The following ODAD3 variants were observed in gnomAD, a reference collection of about 807,000 sequenced individuals.
ODAD3 encodes the protein outer dynein arm-docking complex subunit 3.
Under a neutral mutation model 70.9 loss-of-function variants are expected in ODAD3, and 57 were observed. The ratio of observed to expected loss-of-function variants is 0.80; its 90% confidence interval spans 0.65 to 1.00. The LOEUF (loss-of-function observed/expected upper bound fraction) is 1.00, where lower values mean the gene tolerates loss of function less well. Ranked by LOEUF, ODAD3 falls within the 50% of genes least tolerant of loss-of-function variation. The probability of loss-of-function intolerance (pLI) is 0.00; values close to 1 mark genes in which losing one functional copy is unlikely to be tolerated. For synonymous variants in ODAD3, 327 were observed against 315.9 expected (o/e 1.04, Z -0.37); for missense variants, 797 against 763.9 (o/e 1.04, Z -0.51).
chr19:11,431,096 T>C (rs749818212), intron 1 of ODAD3, 76 bp from the exon 2 acceptor site: 31 of 1,550,416 alleles, frequency 2.0e-5, no homozygotes. Context: ...AGGAAAGACC[T>C]TTTTTGCAAT....
Position 11,423,835 on chromosome 19 carries a change from TGGG to T in ODAD3, c.1116+39_1116+41del, listed in dbSNP as rs57892201. 2.7e-3 allele frequency: 2,796 copies of T among 1,022,738 alleles called. 54 individuals carry two copies. In the African/African-American group the frequency reaches 0.053, roughly 19 times the overall value. 63.4% of individuals were successfully genotyped at this position (1,022,738 alleles called of 1,614,324 possible). A position where few individuals can be genotyped will look rare whatever the true frequency, so the allele number is the denominator to read the frequency against. ...AGGCACCCCTGGGGCCCGTCTGGGG[TGGG>T]GGGGGGGCGCGGCGGAGAGGGCTGC... On this transcript the variant is annotated intron_variant, in intron 8 of 12. Transcript: ENST00000356392.
rs548544340 is a variant in ODAD3, at chr19:11,424,922, C to T, written c.964-893G>A. On this transcript the variant is annotated intron_variant, in intron 7 of 12. Coordinates refer to ENST00000356392, the MANE Select transcript of ODAD3 (RefSeq NM_145045.5). ...ATATATGTATATATGTGTATATGTA[C>T]CTATGTGTATATATGTATATATGTG... Among the ~76,000 whole-genome samples the T allele has an allele frequency of 2.0e-4, 22 of 112,192 alleles. 1 individual carries two copies. In the East Asian group the frequency reaches 4.0e-3, roughly 20 times the overall value. The allele number at this position is 112,192 out of a possible 152,430, so 73.6% of individuals were successfully genotyped here.
intron 11 of ODAD3, 68 bp from the exon 12 acceptor site, chr19:11,421,280 C>G (rs1420427748): frequency 1.4e-5 from 20 of 1,391,458 alleles, no homozygotes; most frequent in Non-Finnish European, 2.0e-5. Context: ...GTCACGTTCC[C>G]CCTCCTCCCT....
chr19:11,422,560 T>C lies in ODAD3; in HGVS notation c.1345A>G (p.Lys449Glu), dbSNP rs371948361. 46 of 1,591,740 alleles carry C rather than the reference T, an allele frequency of 2.9e-5. No homozygotes were observed. Among genetic ancestry groups the C allele is most frequent in the African/African-American group, 2.8e-4 (21 of 74,704 alleles). The change falls in exon 10 of 13, where the codon AAG becomes GAG. Residue 449 changes from lysine (K) to glutamate (E), a missense_variant. By Grantham distance (56) the Lys-to-Glu change is moderately conservative (BLOSUM62 1). Transcript: ENST00000356392. This position sits in a 1 kb window ranked among gnomAD's most constrained non-coding sequence, Gnocchi z 4.6. The stretch of plus-strand genomic sequence containing the variant: ...CGCAAGGCGCGCTCCAGCTGGTCCT[T>C]GGCCTCGGCGTGCCGCCGCTCCTCC... The part of the protein sequence containing the change: ...KKEERRHAEA[K>E]DQLERALRAM...
At position 11,426,161 on chromosome 19, in the gene ODAD3, C is replaced by T. The variant is rs1289891684; in HGVS notation, c.946G>A (p.Glu316Lys). 3 of 1,611,152 alleles carry T rather than the reference C, an allele frequency of 1.9e-6. No homozygotes were observed. The highest frequency in any genetic ancestry group is 8.5e-7 in the Non-Finnish European group (1 of 1,179,406). The change falls in exon 7 of 13, where the codon GAG becomes AAG. Residue 316 changes from glutamate to lysine, a missense_variant. Transcript: ENST00000356392. ...GCGCCCACCTTGCGCTCCATGCGCTCGTTCTCCAGTTTCTTCTCCTCGGCG... is the reference window on the plus strand; with the variant it reads ...GCGCCCACCTTGCGCTCCATGCGCTTGTTCTCCAGTTTCTTCTCCTCGGCG... ...KRAEEKKLEN[E>K]RMERKTHREH...
chr19:11,424,943 ATG>A (rs1491258636), intron 7 of ODAD3, among the ~76,000 whole-genome samples: 2 of 119,474 alleles, frequency 1.7e-5, no homozygotes, highest in African/African-American at 3.9e-5. Context: ...ATATGTATAT[ATG>A]TGTATATGTA....
intron 8 of ODAD3, 46 bp downstream of exon 8, chr19:11,423,830 TG>T: frequency 8.0e-7 from 1 of 1,250,358 alleles, no homozygotes. Flanking sequence ...GGGGCCCGTC[TG>T]GGGTGGGGGG....
chr19:11,433,198 G>A (rs780285146), intron 1 of ODAD3, among the ~76,000 whole-genome samples: 22 of 152,132 alleles, frequency 1.4e-4, no homozygotes, highest in Non-Finnish European at 2.5e-4. Context: ...ATTATTTGCC[G>A]TGGGGTGCTC....
rs374390309 is a variant in ODAD3 at position 11,434,825 on chromosome 19, C to T, written c.192G>A (p.Lys64=). 11 of 1,614,058 alleles carry T rather than the reference C, an allele frequency of 6.8e-6. No homozygotes were observed. The highest frequency in any genetic ancestry group is 9.3e-6 in the Non-Finnish European group (11 of 1,180,022). ...CAGCCACCTGAGAGTGCACAGAGGG[C>T]TTCCCTGCACCTCTGTGGAAGGATC... is the stretch of plus-strand genomic sequence containing the variant. ...KGGSFHRGAG[K]PSVHSQVAEL... The change falls in exon 1 of 13, where the codon AAG becomes AAA. Residue 64 remains lysine, a synonymous_variant. Coordinates refer to ENST00000356392, the MANE Select transcript of ODAD3 (RefSeq NM_145045.5).
chr19:11,430,207 G>A (rs774999022), intron 3 of ODAD3, among the ~76,000 whole-genome samples: 1 of 151,560 alleles, frequency 6.6e-6, no homozygotes, highest in African/African-American at 2.4e-5. Context: ...GCACAATCTC[G>A]GCTCACTGCA....
At position 11,421,743 on chromosome 19, in the gene ODAD3, C is replaced by T. The variant is rs1969139640; in HGVS notation, c.1524G>A (p.Leu508=). 6.2e-7 allele frequency: 1 copy of T among 1,613,334 alleles called. No homozygotes were observed. The change falls in exon 11 of 13, where the codon CTG becomes CTA. Residue 508 remains leucine (L), a synonymous_variant. Transcript: ENST00000356392. ...NLLGLVEEKL[L]KLQAQLQGHD... ...GGCCCTGGAGCTGCGCCTGCAGTTT[C>T]AGCAGCTTTTCCTCCACGAGGCCCA...
intron 7 of ODAD3, among the ~76,000 whole-genome samples, chr19:11,425,605 G>A (rs1030615579): frequency 6.8e-4 from 87 of 128,498 alleles, no homozygotes; most frequent in African/African-American, 3.4e-3. Context: ...GTATATATGT[G>A]TGTGTATATA....
At chr19:11,429,903 T>A (rs999987062) in intron 3 of ODAD3, among the ~76,000 whole-genome samples, 1 of 151,056 alleles carries the variant, frequency 6.6e-6, no homozygotes, top group African/African-American at 2.4e-5. Flanking sequence ...AGTGGTGCAA[T>A]TGTGGCTCAT....
Position 11,426,767 on chromosome 19 carries a change from C to T in ODAD3, c.630G>A (p.Glu210=), listed in dbSNP as rs1198279365. ...TEVAKTMRNL[E]NRLEKAQMKA... is the part of the protein sequence containing the mutation. ...TCATCTGGGCCTTCTCCAGGCGGTT[C>T]TCCAGGTTCCGCATGGTCTGGAGAG... The change falls in exon 5 of 13, where the codon GAG becomes GAA. Residue 210 remains glutamate, a synonymous_variant. Coordinates refer to ENST00000356392, the MANE Select transcript of ODAD3 (RefSeq NM_145045.5). 1 of 1,613,992 alleles carries T rather than the reference C, an allele frequency of 6.2e-7. No homozygotes were observed. Among genetic ancestry groups the T allele is most frequent in the East Asian group, 2.2e-5 (1 of 44,882 alleles).
intron 11 of ODAD3, 35 bp downstream of exon 11, chr19:11,421,642 G>A (rs772186012): frequency 6.3e-7 from 1 of 1,595,214 alleles, no homozygotes; most frequent in Non-Finnish European, 8.5e-7. Flanking sequence ...CCTACTCCTA[G>A]ATCTCTGGAG....
Position 11,425,249 on chromosome 19 carries a change from A to ATGTATATGTACATATGTGTATATGTG in ODAD3, c.963+869_963+894dup, listed in dbSNP as rs1969293748. On this transcript the variant is annotated intron_variant, in intron 7 of 12. Coordinates refer to ENST00000356392, the MANE Select transcript of ODAD3 (RefSeq NM_145045.5). The stretch of plus-strand genomic sequence containing the variant: ...TGTGTATATGTACATATGTGTATAT[A>ATGTATATGTACATATGTGTATATGTG]TGTATATGTACATATGTGTATATGT... 2.9e-4 allele frequency among the ~76,000 whole-genome samples: 33 copies of ATGTATATGTACATATGTGTATATGTG among 113,314 alleles called. 2 individuals are homozygous for ATGTATATGTACATATGTGTATATGTG. Among genetic ancestry groups the ATGTATATGTACATATGTGTATATGTG allele is most frequent in the South Asian group, 4.8e-4 (2 of 4,158 alleles). 74.3% of individuals were successfully genotyped at this position (113,314 alleles called of 152,430 possible).
At chr19:11,434,582 G>GTACA in intron 1 of ODAD3, 191 bp downstream of exon 1, 1 of 560,796 alleles carries the variant, frequency 1.8e-6, no homozygotes. Flanking sequence ...AAAGTATGAA[G>GTACA]TACAGTTCAG....
At position 11,425,341 on chromosome 19, in the gene ODAD3, A is replaced by G. The variant is rs920461580; in HGVS notation, c.963+803T>C. Among the ~76,000 whole-genome samples the G allele has an allele frequency of 3.0e-4, 38 of 126,796 alleles. 2 individuals carry two copies. Among genetic ancestry groups the G allele is most frequent in the East Asian group, 2.4e-3 (10 of 4,182 alleles). 83.2% of individuals were successfully genotyped at this position (126,796 alleles called of 152,430 possible). On this transcript the variant is annotated intron_variant, in intron 7 of 12. Coordinates refer to ENST00000356392, the MANE Select transcript of ODAD3 (RefSeq NM_145045.5). ...TGTGTATATGTACATATGTGTATAT[A>G]TGTATATATGTGTATATGTACATAT...
Position 11,426,885 on chromosome 19 carries a change from C to A in ODAD3, c.600G>T (p.Thr200=). Residue 200 remains threonine, a synonymous_variant, in exon 4 of 13, where the codon ACG becomes ACT. Coordinates refer to ENST00000356392, the MANE Select transcript of ODAD3 (RefSeq NM_145045.5). ...LEMAEAQNRH[T]EVAKTMRNLE... ...CACCCGCCCCTACCTTGGCCACCTC[C>A]GTGTGTCTGTTTTGCGCCTCCGCCA... 6.2e-7 allele frequency: 1 copy of A among 1,609,454 alleles called. No individual in the cohort carries two copies. Among genetic ancestry groups the A allele is most frequent in the Non-Finnish European group, 8.5e-7 (1 of 1,177,192 alleles).
Sources: allele counts gnomAD v4.1 joint callset (sites outside exome capture counted in the v4.1 genomes callset), GRCh38; gene constraint gnomAD v4.1.1; non-coding constraint Gnocchi (gnomAD v3.1); transcripts MANE v1.5; gene names NCBI Gene and HGNC (gene_info 2026-07-23, HGNC 2026-07-21).